Variants in CCDC171 observed in about 807,000 individuals in gnomAD.
CCDC171 encodes coiled-coil domain-containing protein 171.
Under a neutral mutation model 168.2 loss-of-function variants are expected in CCDC171, and 177 were observed. The ratio of observed to expected loss-of-function variants is 1.05; its 90% CI spans 0.93 to 1.19. The LOEUF is 1.19. CCDC171 is among the 50% of genes most tolerant of loss of function. The probability of loss-of-function intolerance (pLI) is 0.00; values close to 1 mark genes in which losing one functional copy is unlikely to be tolerated. For synonymous variants in CCDC171, 687 were observed against 540.8 expected, an observed-to-expected ratio of 1.27 and a Z score of -3.75; for missense variants, 1,991 against 1,539.0, an observed-to-expected ratio of 1.29 and a Z score of -4.91.
At chr9:15,632,532 A>C (rs1246411811) in intron 7 of CCDC171, among the ~76,000 whole-genome samples, 10 of 151,814 alleles carry the variant, frequency 6.6e-5, no homozygotes, top group African/African-American at 2.4e-4. Context: ...GGATACAAAC[A>C]AATGGAAGAA....
chr9:15,710,183 C>G (rs1383289668), intron 11 of CCDC171, among the ~76,000 whole-genome samples: 4 of 152,028 alleles, frequency 2.6e-5, no homozygotes, highest in Non-Finnish European at 2.9e-5. Context: ...TCATAAATTT[C>G]AAAGTTTCTT....
At chr9:15,713,124 TG>T (rs2134056646) in intron 11 of CCDC171, among the ~76,000 whole-genome samples, 1 of 152,334 alleles carries the variant, frequency 6.6e-6, no homozygotes, top group Non-Finnish European at 1.5e-5. Context: ...GGTGTATATT[TG>T]TATATTTGGT....
intron 1 of CCDC171, among the ~76,000 whole-genome samples, chr9:15,553,759 G>C (rs1393523293): frequency 2.0e-5 from 3 of 152,170 alleles, no homozygotes; most frequent in Non-Finnish European, 4.4e-5. Context: ...CCAGGACTCT[G>C]AGAGACTTAG....
At chr9:15,742,698 T>C (rs2054963796) in intron 16 of CCDC171, among the ~76,000 whole-genome samples, 1 of 152,240 alleles carries the variant, frequency 6.6e-6, no homozygotes, top group Non-Finnish European at 1.5e-5. Flanking sequence ...TGCCCTTTTG[T>C]ACTCCTCTGG....
chr9:15,709,071 A>C (rs2052462750), intron 11 of CCDC171, among the ~76,000 whole-genome samples: 1 of 152,202 alleles, frequency 6.6e-6, no homozygotes, highest in Non-Finnish European at 1.5e-5. Context: ...CAGAGTGGTG[A>C]AATGATTCAC....
At position 15,694,945 on chromosome 9, in the gene CCDC171, A is replaced by G. The variant is rs576681620; in HGVS notation, c.1216-290A>G. ...GTTTTCTTGTCTCTAAAATTGGGAT[A>G]ATAATAGCCTTTCCATCATAGGGTT... On this transcript the variant is annotated intron_variant, in intron 10 of 25. Transcript: ENST00000380701. 3.9e-5 allele frequency among the ~76,000 whole-genome samples: 6 copies of G among 152,348 alleles called. No individual in the cohort carries two copies. The South Asian group carries it at 1.2e-3, about 32-fold the overall frequency.
At chr9:15,684,782 T>C (rs1438393193) in intron 10 of CCDC171, among the ~76,000 whole-genome samples, 1 of 149,726 alleles carries the variant, frequency 6.7e-6, no homozygotes, top group Non-Finnish European at 1.5e-5. Context: ...TGGTTAAAGA[T>C]ATTTTTTAAC....
intron 21 of CCDC171, among the ~76,000 whole-genome samples, chr9:15,827,434 C>A (rs1042367597): frequency 2.0e-5 from 3 of 152,200 alleles, no homozygotes; most frequent in Non-Finnish European, 4.4e-5. Context: ...ACATCTCCTA[C>A]ATACACTCTA....
At chr9:15,708,690 G>C (rs1446220790) in intron 11 of CCDC171, among the ~76,000 whole-genome samples, 4 of 152,060 alleles carry the variant, frequency 2.6e-5, no homozygotes, top group Admixed American at 6.6e-5. Context: ...AAAAACATTG[G>C]TAGCAGTTCA....
the CCDC171 span, among the ~76,000 whole-genome samples, chr9:16,067,780 C>T: frequency 6.6e-6 from 1 of 152,130 alleles, no homozygotes; most frequent in African/African-American, 2.4e-5. Flanking sequence ...TGTAGATATG[C>T]AGTGTTATTT....
At chr9:15,691,593 TATAAATACTGTGTTTTTTAAGG>T (rs1353951976) in intron 10 of CCDC171, among the ~76,000 whole-genome samples, 1 of 139,146 alleles carries the variant, frequency 7.2e-6, no homozygotes, top group East Asian at 2.1e-4. Context: ...CTTGGTGCTT[TATAAATACTGTGTTTTTTAAGG>T]TAGACTTTGA....
At chr9:15,633,193 G>T (rs912348841) in intron 7 of CCDC171, among the ~76,000 whole-genome samples, 4 of 152,144 alleles carry the variant, frequency 2.6e-5, no homozygotes, top group African/African-American at 9.7e-5. Context: ...AAACTAAAGA[G>T]CTCCTACACA....
At chr9:15,714,578 G>A (rs1387546980) in intron 11 of CCDC171, among the ~76,000 whole-genome samples, 1 of 65,690 alleles carries the variant, frequency 1.5e-5, no homozygotes, top group Non-Finnish European at 3.0e-5. Context: ...TCCCTGATAA[G>A]TGTAGTTAAT....
chr9:15,991,467 A>G (rs1422252208), intron 3 of CCDC171, among the ~76,000 whole-genome samples: 3 of 148,608 alleles, frequency 2.0e-5, no homozygotes, highest in African/African-American at 5.3e-5. Flanking sequence ...AATGCCCACA[A>G]GAGAAAACAG....
At chr9:15,712,662 C>T (rs1228176552) in intron 11 of CCDC171, among the ~76,000 whole-genome samples, 1 of 152,142 alleles carries the variant, frequency 6.6e-6, no homozygotes, top group Non-Finnish European at 1.5e-5. Flanking sequence ...TTGCCCATTC[C>T]ATGATGAAAG....
intron 7 of CCDC171, among the ~76,000 whole-genome samples, chr9:15,638,212 C>G (rs572363128): frequency 2.0e-4 from 31 of 152,160 alleles, no homozygotes; most frequent in East Asian, 3.9e-4. Context: ...GAGCTTTAGT[C>G]TTCTAAGTTA....
At chr9:15,569,169 T>C (rs928068617) in intron 2 of CCDC171, among the ~76,000 whole-genome samples, 3 of 152,254 alleles carry the variant, frequency 2.0e-5, no homozygotes, top group South Asian at 2.1e-4. Context: ...TTGAAACTTA[T>C]ATCCTTCGGA....
intron 11 of CCDC171, among the ~76,000 whole-genome samples, chr9:15,698,607 T>A (rs1467408649): frequency 1.3e-5 from 2 of 152,202 alleles, no homozygotes; most frequent in Non-Finnish European, 2.9e-5. Context: ...CCAGTTTTAT[T>A]TACGTTGCTA....
chr9:15,560,153 C>T (rs143072953), intron 1 of CCDC171, among the ~76,000 whole-genome samples: 2,065 of 152,136 alleles, frequency 0.014, 14 homozygotes, highest in Non-Finnish European at 0.023. Context: ...TTCTGGCTGC[C>T]CTTAATATTT....
Sources: gnomAD v4.1 joint callset for allele counts (sites outside exome capture counted in the v4.1 genomes callset) on GRCh38, gnomAD v4.1.1 for gene constraint, MANE v1.5 for transcripts, NCBI Gene and HGNC (gene_info 2026-07-23, HGNC 2026-07-21) for gene names.